Variants in COL13A1 observed in about 807,000 individuals in gnomAD.
The protein encoded by COL13A1 is collagen alpha-1(XIII) chain.
A neutral mutation model predicts 130.9 loss-of-function variants in COL13A1; 89 were observed. The observed-to-expected ratio is 0.68, with a 90% confidence interval of 0.57 to 0.81. COL13A1 has a LOEUF of 0.81. Among genes scored for constraint, COL13A1 ranks in the 30% least tolerant of loss-of-function variants. The pLI, the probability that COL13A1 is intolerant of heterozygous loss-of-function variation, is 0.00. For missense variants in COL13A1, 879 were observed against 934.6 expected (o/e 0.94, Z 0.78); for synonymous variants, 402 against 341.6 (o/e 1.18, Z -1.95).
At chr10:69,843,634 A>G (rs757396060) in intron 2 of COL13A1, among the ~76,000 whole-genome samples, 21 of 152,234 alleles carry the variant, frequency 1.4e-4, no homozygotes, top group Non-Finnish European at 2.8e-4. Flanking sequence ...AAATGAGGAT[A>G]ATGAGAAGGC....
intron 30 of COL13A1, 89 bp downstream of exon 30, chr10:69,930,641 G>A: frequency 1.4e-6 from 2 of 1,414,996 alleles, no homozygotes; most frequent in South Asian, 1.5e-5. Context: ...TGCATGATGT[G>A]AGCTGCTGCC....
At chr10:69,807,725 A>C (rs1841950410) in intron 1 of COL13A1, among the ~76,000 whole-genome samples, 1 of 152,136 alleles carries the variant, frequency 6.6e-6, no homozygotes, top group Admixed American at 6.5e-5. Flanking sequence ...CAGACTCTGG[A>C]TCCAGGTTTC....
intron 39 of COL13A1, 101 bp downstream of exon 39, chr10:69,953,069 C>G: frequency 2.5e-6 from 2 of 809,054 alleles, no homozygotes. Flanking sequence ...AACCAAATGT[C>G]TACACGGATG....
rs552075713 is a variant in COL13A1 at position 69,873,919 on chromosome 10, A to T, written c.400-1209A>T. ...GGCTTTACACAAGCAGATGCCATTT[A>T]TTCAACATCAAAGGCCAGGCACTGG... On this transcript the variant is annotated intron_variant, in intron 4 of 40. Coordinates refer to ENST00000645393, the MANE Select transcript of COL13A1 (RefSeq NM_001368882.1). Among the ~76,000 whole-genome samples the T allele has an allele frequency of 3.9e-5, 6 of 152,332 alleles. No homozygotes were observed. In the East Asian group the frequency reaches 1.2e-3, roughly 29 times the overall value.
Position 69,930,071 on chromosome 10 carries a change from G to C in COL13A1, c.1514G>C (p.Gly505Ala). Residue 505 changes from glycine to alanine, a missense_variant, in exon 29 of 41, where the codon GGA (glycine) becomes GCA (alanine). Physicochemically the swap from Gly to Ala is moderately conservative, Grantham distance 60 (BLOSUM62 0). Around this residue, in one of 3 missense-constraint regions of COL13A1, gnomAD observed 715 missense variants for 721.0 expected, o/e 0.99. Transcript: ENST00000645393. Reference protein sequence around the residue: ...KGEIGLPGPPGHDGEKGPRGK... With the variant: ...KGEIGLPGPPAHDGEKGPRGK... The stretch of plus-strand genomic sequence containing the variant: ...GAGATTGGACTGCCAGGCCCTCCAG[G>C]ACACGATGGGGAAAAGGTATGAACA... 7.4e-6 allele frequency: 12 copies of C among 1,613,966 alleles called. No individual in the cohort carries two copies. The highest frequency in any genetic ancestry group is 1.0e-5 in the Non-Finnish European group (12 of 1,179,880).
intron 26 of COL13A1, among the ~76,000 whole-genome samples, chr10:69,926,277 G>A (rs1052131081): frequency 1.2e-4 from 18 of 152,352 alleles, no homozygotes; most frequent in African/African-American, 4.3e-4. Flanking sequence ...TTTCGTGTCA[G>A]TTTAACCCTG....
chr10:69,897,472 T>A (rs750991457), intron 13 of COL13A1: 1 of 1,613,676 alleles, frequency 6.2e-7, no homozygotes, highest in Non-Finnish European at 8.5e-7. Flanking sequence ...CCTCCCAAAC[T>A]AGGAGTGCCT....
chr10:69,929,068 CT>C (rs1565095190), intron 28 of COL13A1, 69 bp downstream of exon 28: 4 of 1,243,080 alleles, frequency 3.2e-6, no homozygotes, highest in Admixed American at 1.9e-5. Context: ...TCCCCTCCCC[CT>C]GTGACCCTCT....
intron 2 of COL13A1, among the ~76,000 whole-genome samples, chr10:69,854,765 A>G (rs1324599072): frequency 6.6e-6 from 1 of 152,092 alleles, no homozygotes; most frequent in East Asian, 1.9e-4. Context: ...GAAATAGATC[A>G]GTTATGTCTG....
At chr10:69,918,398 G>T in intron 19 of COL13A1, 81 bp downstream of exon 19, 7 of 1,429,126 alleles carry the variant, frequency 4.9e-6, no homozygotes, top group South Asian at 4.9e-5. Flanking sequence ...CTTAGACTCA[G>T]TGGGGTGGCT....
intron 1 of COL13A1, among the ~76,000 whole-genome samples, chr10:69,818,870 A>C (rs1274815493): frequency 1.3e-5 from 2 of 152,224 alleles, no homozygotes; most frequent in East Asian, 3.8e-4. Context: ...TCCAGTGCTA[A>C]TCGACATACC....
Position 69,897,785 on chromosome 10 carries a change from G to A in COL13A1, c.685-912G>A, listed in dbSNP as rs538931224. ...CCCAGGAGTCTCGTGTGATTTAAGC[G>A]CTTTCAAAAACAAGCAGCTGATGAC... is the stretch of plus-strand genomic sequence containing the variant. On this transcript the variant is annotated intron_variant, in intron 13 of 40. Transcript: ENST00000645393. 4.6e-5 allele frequency among the ~76,000 whole-genome samples: 7 copies of A among 152,284 alleles called. No homozygotes were observed. In the East Asian group the frequency reaches 1.2e-3, roughly 25 times the overall value.
intron 15 of COL13A1, among the ~76,000 whole-genome samples, chr10:69,904,420 G>T (rs534224133): frequency 3.3e-5 from 5 of 152,176 alleles, no homozygotes; most frequent in African/African-American, 1.2e-4. Flanking sequence ...CCAAGGCTGC[G>T]GTGGAGCCAG....
intron 17 of COL13A1, among the ~76,000 whole-genome samples, chr10:69,906,069 G>T (rs2062723382): frequency 6.6e-6 from 1 of 152,198 alleles, no homozygotes. Flanking sequence ...GCTCTTACAG[G>T]CCAGAGAGTC....
intron 2 of COL13A1, among the ~76,000 whole-genome samples, chr10:69,841,635 T>A (rs1317511227): frequency 3.9e-5 from 6 of 152,046 alleles, no homozygotes; most frequent in African/African-American, 1.4e-4. Flanking sequence ...CCTCCACCAA[T>A]TGCCCCAGCA....
chr10:69,913,993 G>T (rs555378863), intron 17 of COL13A1, among the ~76,000 whole-genome samples: 1 of 152,196 alleles, frequency 6.6e-6, no homozygotes, highest in African/African-American at 2.4e-5. Flanking sequence ...GCTGCCTCCC[G>T]AGGAGGCTCC....
At position 69,924,309 on chromosome 10, in the gene COL13A1, A is replaced by AT. The variant is rs1194660265; in HGVS notation, c.1284+461dup. On this transcript the variant is annotated intron_variant, in intron 24 of 40. Coordinates refer to ENST00000645393, the MANE Select transcript of COL13A1 (RefSeq NM_001368882.1). ...TCCTTTATTTTTACTTTCTATCTTG[A>AT]TTTTTTTCAATTGTCTTTATCCCAG... 4.6e-5 allele frequency among the ~76,000 whole-genome samples: 7 copies of AT among 152,060 alleles called. No homozygotes were observed. The East Asian group carries it at 9.7e-4, about 21-fold the overall frequency.
intron 2 of COL13A1, among the ~76,000 whole-genome samples, chr10:69,823,694 G>T (rs567836722): frequency 6.6e-6 from 1 of 152,336 alleles, no homozygotes; most frequent in East Asian, 1.9e-4. Flanking sequence ...CCAGGATGCT[G>T]CCCTGGGAGA....
intron 2 of COL13A1, among the ~76,000 whole-genome samples, chr10:69,866,868 A>G (rs2058570960): frequency 6.6e-6 from 1 of 152,118 alleles, no homozygotes; most frequent in Non-Finnish European, 1.5e-5. Context: ...AAAAGAAGCA[A>G]CAGGAGTCGC....
Sources: allele counts gnomAD v4.1 joint callset (sites outside exome capture counted in the v4.1 genomes callset), GRCh38; gene constraint gnomAD v4.1.1; regional missense constraint gnomAD v4.1.1; transcripts MANE v1.5; gene names NCBI Gene and HGNC (gene_info 2026-07-23, HGNC 2026-07-21).